The following C3orf22 variants were observed in gnomAD, a reference collection of about 807,000 sequenced individuals.
C3orf22 encodes uncharacterized protein C3orf22.
In C3orf22, 7 loss-of-function variants were observed where a neutral mutation model predicts 10.8. That is an observed-to-expected ratio of 0.65 (90% confidence interval 0.37 to 1.22). C3orf22 has a LOEUF of 1.22. Ranked by LOEUF, C3orf22 falls within the 50% of genes most tolerant of loss-of-function variation. The pLI, the probability that C3orf22 is intolerant of heterozygous loss-of-function variation, is 0.02. For synonymous variants in C3orf22, 79 were observed against 78.9 expected (o/e 1.00, Z 0.00); for missense variants, 173 against 177.0 (o/e 0.98, Z 0.13).
chr3:126,556,931 TAC>T (rs1256301400), intron 1 of C3orf22, among the ~76,000 whole-genome samples: 1 of 57,850 alleles, frequency 1.7e-5, no homozygotes, highest in Non-Finnish European at 3.3e-5. Flanking sequence ...CACAGACACA[TAC>T]ACACTCACAC....
At chr3:126,538,443 C>T (rs2107570127) in intron 4 of C3orf22, among the ~76,000 whole-genome samples, 1 of 152,366 alleles carries the variant, frequency 6.6e-6, no homozygotes, top group Middle Eastern at 3.4e-3. Flanking sequence ...TCGCCTCAGG[C>T]AGAGCCAGGC....
At chr3:126,540,708 G>A (rs1252922620) in intron 4 of C3orf22, among the ~76,000 whole-genome samples, 1 of 152,160 alleles carries the variant, frequency 6.6e-6, no homozygotes, top group Non-Finnish European at 1.5e-5. Context: ...CATGATGCAC[G>A]TTTTTAGTTC....
rs866537155 is a variant in C3orf22, at chr3:126,535,186, G to A, written c.287-5814C>T. ...ACAGACAGCATCCCTGTCCCCAGCC[G>A]GGAGACAGACAGACAGCATCGCTGT... On this transcript the variant is annotated intron_variant and NMD_transcript_variant, in intron 4 of 5. Coordinates refer to the C3orf22 transcript ENST00000505070. 1.1e-3 allele frequency among the ~76,000 whole-genome samples: 160 copies of A among 149,422 alleles called. No homozygotes were observed. The Middle Eastern group carries it at 0.036, about 34-fold the overall frequency.
At chr3:126,556,106 C>A (rs1937322352) in intron 1 of C3orf22, among the ~76,000 whole-genome samples, 1 of 152,230 alleles carries the variant, frequency 6.6e-6, no homozygotes, top group East Asian at 1.9e-4. Flanking sequence ...AGGGAGCCTG[C>A]ATGCCAGTGA....
At chr3:126,553,509 TGG>T in intron 1 of C3orf22, 79 bp from the exon 2 acceptor site, 1 of 932,380 alleles carries the variant, frequency 1.1e-6, no homozygotes, top group Non-Finnish European at 1.7e-6. Flanking sequence ...CCAGCAGGGC[TGG>T]GGGTGCCTGC....
Position 126,549,937 on chromosome 3 carries a change from G to A in C3orf22, c.357C>T (p.Ser119=), listed in dbSNP as rs1336274886. The change falls in exon 4 of 4, where the codon TCC becomes TCT. Residue 119 remains serine (S), a synonymous_variant. Coordinates refer to ENST00000318225, the MANE Select transcript of C3orf22 (RefSeq NM_152533.3). ...RFPRQLAFLL[S]TRHTEAACPQ... ...GGCAGGCAGCCTCAGTGTGCCGGGT[G>A]GACAGCAGGAAGGCGAGTTGTCTGG... The A allele has an allele frequency of 2.5e-6, 4 of 1,614,166 alleles. No individual in the cohort carries two copies. Among genetic ancestry groups the A allele is most frequent in the East Asian group, 4.5e-5 (2 of 44,858 alleles).
At chr3:126,543,729 AGTGT>A (rs773042215) in intron 4 of C3orf22, among the ~76,000 whole-genome samples, 3 of 140,068 alleles carry the variant, frequency 2.1e-5, no homozygotes, top group East Asian at 2.1e-4. Context: ...TGTGTGCATG[AGTGT>A]GTGAGAGGAA....
At chr3:126,552,939 C>T (rs963193203) in intron 2 of C3orf22, among the ~76,000 whole-genome samples, 2 of 152,268 alleles carry the variant, frequency 1.3e-5, no homozygotes, top group African/African-American at 4.8e-5. Context: ...TGCCCGTTAT[C>T]CTGGCTAGTT....
chr3:126,540,943 C>G (rs1936944545), intron 4 of C3orf22, among the ~76,000 whole-genome samples: 1 of 152,198 alleles, frequency 6.6e-6, no homozygotes, highest in South Asian at 2.1e-4. Flanking sequence ...CTTTTATGAA[C>G]TCTTACACAA....
downstream of C3orf22, among the ~76,000 whole-genome samples, chr3:126,546,573 C>T (rs111805731): frequency 3.4e-3 from 523 of 152,298 alleles, 5 homozygotes; most frequent in African/African-American, 0.012. Flanking sequence ...CCCCGCCTCT[C>T]CCTCTCACAC....
At chr3:126,542,104 C>A in intron 4 of C3orf22, 3 of 1,581,830 alleles carry the variant, frequency 1.9e-6, no homozygotes, top group Non-Finnish European at 1.7e-6. Context: ...CATCGGCTTA[C>A]CGCAACAAGC....
chr3:126,550,801 G>A (rs1449148173), intron 3 of C3orf22, among the ~76,000 whole-genome samples: 1 of 152,202 alleles, frequency 6.6e-6, no homozygotes. Flanking sequence ...TCTCTCCCCA[G>A]CCTTGGCTCA....
intron 1 of C3orf22, among the ~76,000 whole-genome samples, chr3:126,557,643 G>A (rs975757966): frequency 6.6e-6 from 1 of 152,206 alleles, no homozygotes; most frequent in African/African-American, 2.4e-5. Context: ...AGACCAGCCT[G>A]TCTGTGAGCC....
At chr3:126,548,735 C>G (rs1278868860), downstream of C3orf22, among the ~76,000 whole-genome samples, 1 of 152,234 alleles carries the variant, frequency 6.6e-6, no homozygotes, top group Non-Finnish European at 1.5e-5. Flanking sequence ...CCAAACACCA[C>G]AGATGTGACT....
chr3:126,541,853 G>C, intron 4 of C3orf22: 2 of 1,586,826 alleles, frequency 1.3e-6, no homozygotes, highest in Non-Finnish European at 1.7e-6. Flanking sequence ...GCACGTGCTG[G>C]TGGACGACGC....
At chr3:126,531,620 CCA>C (rs1936661977) in intron 4 of C3orf22, among the ~76,000 whole-genome samples, 1 of 152,204 alleles carries the variant, frequency 6.6e-6, no homozygotes, top group Admixed American at 6.5e-5. Flanking sequence ...CAAGGTTCAG[CCA>C]CACGGAAGCA....
At chr3:126,542,728 G>T (rs1349441085) in intron 4 of C3orf22, 5 of 1,227,228 alleles carry the variant, frequency 4.1e-6, no homozygotes, top group Non-Finnish European at 5.3e-6. Flanking sequence ...GGGCACACCT[G>T]GCCAGGCTTG....
At chr3:126,532,496 A>T (rs538049329) in intron 4 of C3orf22, among the ~76,000 whole-genome samples, 1 of 152,220 alleles carries the variant, frequency 6.6e-6, no homozygotes, top group South Asian at 2.1e-4. Flanking sequence ...TGAATATCTC[A>T]TGCTGTCTCA....
At chr3:126,535,124 GAGA>G (rs1936749440) in intron 4 of C3orf22, among the ~76,000 whole-genome samples, 1 of 125,696 alleles carries the variant, frequency 8.0e-6, no homozygotes, top group Non-Finnish European at 1.6e-5. Context: ...TCCTCAGCTG[GAGA>G]CAGACAGACA....
Sources: allele counts gnomAD v4.1 joint callset (sites outside exome capture counted in the v4.1 genomes callset), GRCh38; gene constraint gnomAD v4.1.1; transcripts MANE v1.5; gene names NCBI Gene and HGNC (gene_info 2026-07-23, HGNC 2026-07-21).